Variants in PTPN3 observed in about 807,000 individuals in gnomAD.
PTPN3 encodes the protein protein tyrosine phosphatase non-receptor type 3.
PTPN3 carries 96 observed loss-of-function variants against 132.7 expected under a neutral mutation model. The observed-to-expected ratio is 0.72, with a 90% CI of 0.61 to 0.86. The LOEUF (loss-of-function observed/expected upper bound fraction) is 0.86, where lower values mean the gene tolerates loss of function less well. Ranked by LOEUF, PTPN3 falls within the 40% of genes least tolerant of loss-of-function variation. The pLI is 0.00. For missense variants in PTPN3, 1,125 were observed against 1,159.6 expected (o/e 0.97, Z 0.43); for synonymous variants, 398 against 429.0 (o/e 0.93, Z 0.89).
At chr9:109,476,699 A>G (rs1290419499) in intron 1 of PTPN3, among the ~76,000 whole-genome samples, 3 of 152,214 alleles carry the variant, frequency 2.0e-5, no homozygotes, top group Non-Finnish European at 2.9e-5. Context: ...CCAAGTGGAC[A>G]TGAACCTGAA....
At chr9:109,492,155 C>T (rs1180520849) in intron 1 of PTPN3, among the ~76,000 whole-genome samples, 1 of 152,216 alleles carries the variant, frequency 6.6e-6, no homozygotes, top group Non-Finnish European at 1.5e-5. Context: ...GGCCAACCTC[C>T]CCTCCCCAGG....
rs62576420 is a variant in PTPN3, at chr9:109,415,081, T to A, written c.1314-4666A>T. Among the ~76,000 whole-genome samples the A allele has an allele frequency of 2.4e-4, 14 of 57,680 alleles. No homozygotes were observed. In the East Asian group the frequency reaches 2.8e-3, roughly 12 times the overall value. The allele number at this position is 57,680 out of a possible 152,430, so 37.8% of individuals were successfully genotyped here. A position where few individuals can be genotyped will look rare whatever the true frequency, so the allele number is the denominator to read the frequency against. On this transcript the variant is annotated intron_variant, in intron 14 of 25. Coordinates refer to ENST00000374541, the MANE Select transcript of PTPN3 (RefSeq NM_002829.4). ...GTCCATCCGTCCGTCCATCCAACCA[T>A]CCATCCATCCATCCATCCATCCATC...
Position 109,438,255 on chromosome 9 carries a change from G to C in PTPN3, c.467-21C>G, listed in dbSNP as rs1389186520. 3 of 1,601,260 alleles carry C rather than the reference G, an allele frequency of 1.9e-6. No individual in the cohort carries two copies. In the East Asian group the frequency reaches 6.7e-5, roughly 36 times the overall value. ...ATGAGCTATCAAGACAGAAGAAGGG[G>C]AAAATCATAATTAGTTTTGCCTTTT... On this transcript the variant is annotated intron_variant, in intron 7 of 25. Coordinates refer to ENST00000374541, the MANE Select transcript of PTPN3 (RefSeq NM_002829.4).
At chr9:109,449,676 T>G in intron 5 of PTPN3, 2 of 985,466 alleles carry the variant, frequency 2.0e-6, no homozygotes, top group Non-Finnish European at 2.4e-6. Flanking sequence ...CTCCCATGCT[T>G]TTTTAAACCC....
At chr9:109,503,812 A>ATTGTTGTCAATTAG in the PTPN3 span, among the ~76,000 whole-genome samples, 1 of 152,062 alleles carries the variant, frequency 6.6e-6, no homozygotes, top group African/African-American at 2.4e-5. Context: ...TGATGAAGGG[A>ATTGTTGTCAATTAG]TTGTTGTCAA....
At chr9:109,433,301 A>G (rs1372660043) in intron 9 of PTPN3, 140 bp from the exon 10 acceptor site, 2 of 1,349,298 alleles carry the variant, frequency 1.5e-6, no homozygotes, top group African/African-American at 2.9e-5. Flanking sequence ...ACAGGCAAAA[A>G]GCCCCACTTA....
In PTPN3 at chr9:109,437,720, C is replaced by T. The variant is rs187356969; in HGVS notation, c.587+394G>A. ...ACACAGGAGACTGGTCAGCACTGTA[C>T]GTCCATCTGTCTGTCTGTTTAACAA... On this transcript the variant is annotated intron_variant, in intron 8 of 25. Coordinates refer to ENST00000374541, the MANE Select transcript of PTPN3 (RefSeq NM_002829.4). Among the ~76,000 whole-genome samples the T allele has an allele frequency of 7.9e-5, 12 of 152,116 alleles. No homozygotes were observed. In the South Asian group the frequency reaches 1.3e-3, roughly 16 times the overall value.
At chr9:109,420,304 T>C (rs1308095281) in intron 14 of PTPN3, 120 bp downstream of exon 14, 3 of 1,026,892 alleles carry the variant, frequency 2.9e-6, no homozygotes, top group African/African-American at 3.2e-5. Flanking sequence ...AGAAGGCACC[T>C]GTGGGAGCTG....
intron 23 of PTPN3, 182 bp downstream of exon 23, chr9:109,383,241 T>C: frequency 9.9e-7 from 1 of 1,014,158 alleles, no homozygotes; most frequent in Non-Finnish European, 1.5e-6. Flanking sequence ...ACCTCGTGCC[T>C]GTTGTGACTA....
rs139934738 is a variant in PTPN3 at position 109,460,828 on chromosome 9, G to A, written c.138+2469C>T. Among the ~76,000 whole-genome samples, 432 of 152,224 alleles carry A rather than the reference G, an allele frequency of 2.8e-3. 1 individual carries two copies. Among genetic ancestry groups the A allele is most frequent in the African/African-American group, 9.7e-3 (402 of 41,538 alleles). ...CTGCTGGGATGTTAGCTTCAAAAAC[G>A]CAGGGATTTTGTTCTGTTTTGTGCA... On this transcript the variant is annotated intron_variant, in intron 2 of 25. Coordinates refer to ENST00000374541, the MANE Select transcript of PTPN3 (RefSeq NM_002829.4).
At chr9:109,528,202 G>T in the PTPN3 span, among the ~76,000 whole-genome samples, 1 of 152,136 alleles carries the variant, frequency 6.6e-6, no homozygotes, top group Non-Finnish European at 1.5e-5. Context: ...TTTAGCAAAA[G>T]AAATCTTATG....
chr9:109,376,895 C>T lies in PTPN3; in HGVS notation c.*2661G>A, dbSNP rs868636047. On this transcript the variant is annotated 3_prime_UTR_variant, in exon 26 of 26. Coordinates refer to ENST00000374541, the MANE Select transcript of PTPN3 (RefSeq NM_002829.4). ...TTCCTGGATTTGTTCCTGGCAACCTCGCTGGGTCTGAACTGCTGGCCTGCC... is the reference window on the plus strand; with the variant it reads ...TTCCTGGATTTGTTCCTGGCAACCTTGCTGGGTCTGAACTGCTGGCCTGCC... 6.6e-6 allele frequency: 1 copy of T among 152,210 alleles called. No homozygotes were observed. The highest frequency in any genetic ancestry group is 2.4e-5 in the African/African-American group (1 of 41,440). 9.4% of individuals were successfully genotyped at this position (152,210 alleles called of 1,614,324 possible).
chr9:109,378,664 T>C lies in PTPN3; in HGVS notation c.*892A>G, dbSNP rs558736153. ...AACATTCGGAATATTTAGATGACAC[T>C]GTCCCATCTCCCCTTGGGAAAATCA... On this transcript the variant is annotated 3_prime_UTR_variant, in exon 26 of 26. Transcript: ENST00000374541. 55 of 152,720 alleles carry C rather than the reference T, an allele frequency of 3.6e-4. 1 individual carries two copies. Among genetic ancestry groups the C allele is most frequent in the African/African-American group, 1.3e-3 (53 of 41,552 alleles). 9.5% of individuals were successfully genotyped at this position (152,720 alleles called of 1,614,324 possible).
chr9:109,507,535 A>C, the PTPN3 span, among the ~76,000 whole-genome samples: 1 of 152,200 alleles, frequency 6.6e-6, no homozygotes, highest in African/African-American at 2.4e-5. Flanking sequence ...GATTTCCTCA[A>C]CTGCGCCCTG....
chr9:109,511,144 G>A, the PTPN3 span, among the ~76,000 whole-genome samples: 64 of 152,248 alleles, frequency 4.2e-4, no homozygotes, highest in African/African-American at 1.4e-3. Context: ...CAGCCATGGT[G>A]CTTAAGATAC....
chr9:109,535,388 A>G, the PTPN3 span, among the ~76,000 whole-genome samples: 895 of 152,322 alleles, frequency 5.9e-3, 13 homozygotes, highest in African/African-American at 0.02. Context: ...TCCTGCTTAA[A>G]AATCCTTACT....
chr9:109,449,187 C>T, intron 5 of PTPN3: 1 of 1,103,358 alleles, frequency 9.1e-7, no homozygotes, highest in South Asian at 3.1e-5. Context: ...AGTGAGCGCC[C>T]CTGCCCTTGA....
rs1411842017 is a variant in PTPN3 at position 109,391,500 on chromosome 9, T to A, written c.2015A>T (p.Asp672Val). ...ITFAKLPQNL[D>V]KNRYKDVLPY... Reference sequence around the variant, plus strand: ...CAGCACATCTTTATATCGGTTTTTGTCCAAATTTTGAGGCAGCTTTGCAAA... The same window carrying A: ...CAGCACATCTTTATATCGGTTTTTGACCAAATTTTGAGGCAGCTTTGCAAA... Residue 672 changes from aspartate (D) to valine (V), a missense_variant, in exon 20 of 26, where the codon GAC becomes GTC. Physicochemically the swap from Asp to Val is radical, Grantham distance 152. Coordinates refer to ENST00000374541, the MANE Select transcript of PTPN3 (RefSeq NM_002829.4). 1 of 1,614,026 alleles carries A rather than the reference T, an allele frequency of 6.2e-7. No individual in the cohort carries two copies. The highest frequency in any genetic ancestry group is 1.1e-5 in the South Asian group (1 of 91,072).
At chr9:109,446,926 C>T (rs1844902607) in intron 6 of PTPN3, among the ~76,000 whole-genome samples, 2 of 138,380 alleles carry the variant, frequency 1.4e-5, no homozygotes, top group South Asian at 4.4e-4. Context: ...TGAGTGCCGG[C>T]TACCATGGAC....
Sources: allele counts gnomAD v4.1 joint callset (sites outside exome capture counted in the v4.1 genomes callset), GRCh38; gene constraint gnomAD v4.1.1; transcripts MANE v1.5; gene names NCBI Gene and HGNC (gene_info 2026-07-23, HGNC 2026-07-21).